Variants in ZNF280D observed in about 807,000 individuals in gnomAD.
ZNF280D encodes zinc finger protein 280D.
In ZNF280D, 39 loss-of-function variants were observed where a neutral mutation model predicts 94.7. The observed-to-expected ratio is 0.41, with a 90% CI of 0.32 to 0.54. The LOEUF is 0.54. Among genes scored for constraint, ZNF280D ranks in the 20% least tolerant of loss-of-function variants. ZNF280D has a pLI of 0.22. For synonymous variants in ZNF280D, 398 were observed against 377.6 expected (o/e 1.05, Z -0.63); for missense variants, 1,090 against 1,149.3 (o/e 0.95, Z 0.75).
At chr15:56,647,377 G>A (rs1382119587) in intron 19 of ZNF280D, among the ~76,000 whole-genome samples, 3 of 152,134 alleles carry the variant, frequency 2.0e-5, no homozygotes, top group South Asian at 2.1e-4. Flanking sequence ...TATGGAATTC[G>A]AAGAAGGGAG....
intron 1 of ZNF280D, among the ~76,000 whole-genome samples, chr15:56,725,836 T>C (rs913246534): frequency 1.3e-5 from 2 of 151,992 alleles, no homozygotes. Context: ...AAACTAAGTA[T>C]TTATCGAACA....
In ZNF280D at chr15:56,704,145, A is replaced by T; in HGVS notation, c.151T>A (p.Ser51Thr). 1 of 1,613,722 alleles carries T rather than the reference A, an allele frequency of 6.2e-7. No individual in the cohort carries two copies. The highest frequency in any genetic ancestry group is 8.5e-7 in the Non-Finnish European group (1 of 1,179,910). Residue 51 changes from serine to threonine, a missense_variant, in exon 4 of 22, where the codon TCA (serine) becomes ACA (threonine). This residue lies in a region of ZNF280D where 386 missense variants were observed against 372.0 expected (regional missense o/e 1.04). Transcript: ENST00000267807. ...DDEPIFVGEISSSKPAISNIL... is the reference protein window; with the variant it reads ...DDEPIFVGEITSSKPAISNIL... ...CTTGAAATTGCTGGTTTTGAACTTG[A>T]TATCTCGCCAACAAAGATTGGCTCA...
At chr15:56,653,254 T>C in intron 19 of ZNF280D, 1 of 1,166,908 alleles carries the variant, frequency 8.6e-7, no homozygotes, top group South Asian at 4.3e-5. Flanking sequence ...ATGACTAAAC[T>C]TCAACTTGGA....
At chr15:56,728,305 C>A (rs2058726788) in intron 1 of ZNF280D, among the ~76,000 whole-genome samples, 2 of 152,208 alleles carry the variant, frequency 1.3e-5, no homozygotes. Flanking sequence ...CAGGCATAAG[C>A]CACCACACCC....
intron 13 of ZNF280D, among the ~76,000 whole-genome samples, chr15:56,669,906 TA>T (rs1374498179): frequency 1.7e-4 from 1 of 6,020 alleles, no homozygotes; most frequent in Non-Finnish European, 3.3e-4. Context: ...ATATATAATA[TA>T]TATATATTAT....
At chr15:56,647,806 C>G (rs1454892125) in intron 19 of ZNF280D, among the ~76,000 whole-genome samples, 1 of 152,208 alleles carries the variant, frequency 6.6e-6, no homozygotes, top group Non-Finnish European at 1.5e-5. Flanking sequence ...GCTGGGGTTA[C>G]AGGTGTGAGC....
Position 56,654,420 on chromosome 15 carries a change from T to A in ZNF280D, c.2141A>T (p.His714Leu). Residue 714 changes from histidine (H) to leucine (L), a missense_variant, in exon 18 of 22, where the codon CAT (histidine) becomes CTT (leucine). Physicochemically the swap from His to Leu is moderately conservative, Grantham distance 99 (BLOSUM62 -3). This residue lies in a region of ZNF280D where 577 missense variants were observed against 568.8 expected (regional missense o/e 1.01). Coordinates refer to ENST00000267807, the MANE Select transcript of ZNF280D (RefSeq NM_017661.4). Reference sequence around the variant, plus strand: ...TACAACTTGGCAAGTATGAGTTTTATGTTGACTTAAGTGTGTAGCCATATT... The same window carrying A: ...TACAACTTGGCAAGTATGAGTTTTAAGTTGACTTAAGTGTGTAGCCATATT... ...LDNMATHLSQHKTHTCQVVMQ... is the reference protein window; with the variant it reads ...LDNMATHLSQLKTHTCQVVMQ... 1 of 1,610,684 alleles carries A rather than the reference T, an allele frequency of 6.2e-7. No individual in the cohort carries two copies. The highest frequency in any genetic ancestry group is 8.5e-7 in the Non-Finnish European group (1 of 1,179,080).
rs550212868 is a variant in ZNF280D, at chr15:56,710,115, C to T, written c.-85-2809G>A. Among the ~76,000 whole-genome samples the T allele has an allele frequency of 4.0e-4, 61 of 152,148 alleles. 1 individual carries two copies. Among genetic ancestry groups the T allele is most frequent in the African/African-American group, 1.4e-3 (59 of 41,440 alleles). ...TCAGAGTTGGCTCTTTAAGACAGCC[C>T]GAAAAGGACGGGCGCGGCGGCTCAC... On this transcript the variant is annotated intron_variant, in intron 1 of 21. Transcript: ENST00000267807.
chr15:56,655,871 A>G (rs1307362891), intron 17 of ZNF280D, among the ~76,000 whole-genome samples: 1 of 152,230 alleles, frequency 6.6e-6, no homozygotes, highest in East Asian at 1.9e-4. Flanking sequence ...TTTAAAAGAA[A>G]ATCAATTATA....
Position 56,689,376 on chromosome 15 carries a change from A to G in ZNF280D, c.594T>C (p.Ser198=). 6.2e-7 allele frequency: 1 copy of G among 1,610,122 alleles called. No individual in the cohort carries two copies. ...GTAATACAGCTGAGGAATTTGCTCCAGAAACACTTTCGCTGGGTTTAGGCT... is the reference window on the plus strand; with the variant it reads ...GTAATACAGCTGAGGAATTTGCTCCGGAAACACTTTCGCTGGGTTTAGGCT... ...PKKPKPSESV[S]GANSSAVLPS... Residue 198 remains serine (S), a synonymous_variant, in exon 8 of 22, where the codon TCT becomes TCC. Coordinates refer to ENST00000267807, the MANE Select transcript of ZNF280D (RefSeq NM_017661.4).
At chr15:56,695,018 T>G (rs189291262) in intron 6 of ZNF280D, among the ~76,000 whole-genome samples, 1 of 152,218 alleles carries the variant, frequency 6.6e-6, no homozygotes, top group Non-Finnish European at 1.5e-5. Context: ...TTTTTCTGCA[T>G]AAAAGCTTTG....
rs186544619 is a variant in ZNF280D, at chr15:56,704,115, G to A, written c.175+6C>T. 4.9e-5 allele frequency: 79 copies of A among 1,613,178 alleles called. No homozygotes were observed. In the African/African-American group the frequency reaches 9.7e-4, roughly 20 times the overall value. ...AAGCTTGGTTTCACTAAAAGTAAAT[G>A]CTTACTTGAAATTGCTGGTTTTGAA... On this transcript the variant is annotated splice_donor_region_variant and intron_variant, in intron 4 of 21. Transcript: ENST00000267807.
intron 18 of ZNF280D, 54 bp from the exon 19 acceptor site, chr15:56,654,288 T>C: frequency 6.3e-7 from 1 of 1,597,674 alleles, no homozygotes; most frequent in Admixed American, 1.8e-5. Flanking sequence ...ATATGATGAG[T>C]GAGAATAATG....
intron 6 of ZNF280D, among the ~76,000 whole-genome samples, chr15:56,697,184 C>T (rs2056802018): frequency 6.6e-6 from 1 of 151,842 alleles, no homozygotes; most frequent in Admixed American, 6.6e-5. Flanking sequence ...TCAGGAACAC[C>T]TATTACTTTT....
In ZNF280D at chr15:56,705,610, A is replaced by G. The variant is rs575615842; in HGVS notation, c.29-1343T>C. 4.6e-5 allele frequency among the ~76,000 whole-genome samples: 7 copies of G among 152,318 alleles called. No homozygotes were observed. In the South Asian group the frequency reaches 1.4e-3, roughly 32 times the overall value. Reference sequence around the variant, plus strand: ...ATAAAGCACCTAAAATCAAGTGGATACTCAACAAAATATTAATTCCCTGGC... The same window carrying G: ...ATAAAGCACCTAAAATCAAGTGGATGCTCAACAAAATATTAATTCCCTGGC... On this transcript the variant is annotated intron_variant, in intron 3 of 21. Coordinates refer to ENST00000267807, the MANE Select transcript of ZNF280D (RefSeq NM_017661.4).
Position 56,669,937 on chromosome 15 carries a change from T to TATATATATATAAA in ZNF280D, c.1411-981_1411-980insTTTATATATATAT, listed in dbSNP as rs2054662007. Among the ~76,000 whole-genome samples the TATATATATATAAA allele has an allele frequency of 8.3e-3, 12 of 1,450 alleles. 1 individual carries two copies. Among genetic ancestry groups the TATATATATATAAA allele is most frequent in the Non-Finnish European group, 0.013 (10 of 794 alleles). The allele number at this position is 1,450 out of a possible 152,430, so 1.0% of individuals were successfully genotyped here. On this transcript the variant is annotated intron_variant, in intron 13 of 21. Coordinates refer to ENST00000267807, the MANE Select transcript of ZNF280D (RefSeq NM_017661.4). ...TATTATATATATATTATATATATAT[T>TATATATATATAAA]ATATATATATATTATATATATATAT...
chr15:56,705,630 C>T (rs891333094), intron 3 of ZNF280D, among the ~76,000 whole-genome samples: 11 of 152,076 alleles, frequency 7.2e-5, no homozygotes, highest in Admixed American at 2.6e-4. Context: ...ATATTAATTC[C>T]CTGGCCCTCC....
chr15:56,654,900 T>C, intron 17 of ZNF280D: 2 of 448,968 alleles, frequency 4.5e-6, no homozygotes, highest in South Asian at 1.6e-5. Flanking sequence ...TATTTTTATA[T>C]ATACTGTACT....
intron 19 of ZNF280D, among the ~76,000 whole-genome samples, chr15:56,651,735 T>C (rs1011608235): frequency 6.6e-6 from 1 of 152,140 alleles, no homozygotes. Flanking sequence ...AGTTGTTATA[T>C]TGTATTGTTT....
Sources: allele counts gnomAD v4.1 joint callset (sites outside exome capture counted in the v4.1 genomes callset), GRCh38; gene constraint gnomAD v4.1.1; regional missense constraint gnomAD v4.1.1; transcripts MANE v1.5; gene names NCBI Gene and HGNC (gene_info 2026-07-23, HGNC 2026-07-21).